RAD51B: variants seen among roughly 807,000 people sequenced by gnomAD.
RAD51B encodes DNA repair protein RAD51 homolog 2.
Under a neutral mutation model 42.2 loss-of-function variants are expected in RAD51B, and 38 were observed. The ratio of observed to expected loss-of-function variants is 0.90; its 90% CI spans 0.70 to 1.18. The LOEUF (loss-of-function observed/expected upper bound fraction) is 1.18. Ranked by LOEUF, RAD51B falls within the 50% of genes most tolerant of loss-of-function variation. The pLI, the probability that RAD51B is intolerant of heterozygous loss-of-function variation, is 0.00. For synonymous variants in RAD51B, 154 were observed against 145.2 expected (o/e 1.06, Z -0.43); for missense variants, 373 against 400.7 (o/e 0.93, Z 0.59).
intron 7 of RAD51B, among the ~76,000 whole-genome samples, chr14:68,091,123 C>T (rs1192731375): frequency 2.0e-5 from 3 of 151,972 alleles, no homozygotes; most frequent in Non-Finnish European, 4.4e-5. Context: ...TGGGTTGGTC[C>T]CAAGTCTTTG....
At chr14:68,063,065 T>C (rs1421599616) in intron 7 of RAD51B, among the ~76,000 whole-genome samples, 2 of 152,106 alleles carry the variant, frequency 1.3e-5, no homozygotes, top group African/African-American at 4.8e-5. Context: ...ATCATTTACA[T>C]TTCTTCTGTA....
At chr14:67,885,673 C>A in intron 5 of RAD51B, 196 bp from the exon 6 acceptor site, 1 of 446,948 alleles carries the variant, frequency 2.2e-6, no homozygotes, top group Non-Finnish European at 3.6e-6. Context: ...TTGCTGGTTG[C>A]ATGCTCTGAC....
intron 7 of RAD51B, among the ~76,000 whole-genome samples, chr14:67,900,598 TTGTGTG>T (rs142144274): frequency 9.3e-4 from 132 of 142,260 alleles, no homozygotes; most frequent in East Asian, 6.3e-3. Flanking sequence ...TTCTTTCAGT[TTGTGTG>T]TGTGTGTGTG....
At chr14:67,954,311 C>T (rs1044759431) in intron 7 of RAD51B, among the ~76,000 whole-genome samples, 1 of 152,188 alleles carries the variant, frequency 6.6e-6, no homozygotes, top group African/African-American at 2.4e-5. Flanking sequence ...ATTCCGCACT[C>T]AGGACAGACT....
chr14:68,318,117 C>T (rs2082094017), intron 8 of RAD51B, among the ~76,000 whole-genome samples: 1 of 152,140 alleles, frequency 6.6e-6, no homozygotes, highest in Non-Finnish European at 1.5e-5. Context: ...CCCACTGGGC[C>T]ACAGAAAGCA....
At chr14:68,374,438 T>C (rs921648389) in intron 8 of RAD51B, among the ~76,000 whole-genome samples, 2 of 152,226 alleles carry the variant, frequency 1.3e-5, no homozygotes, top group African/African-American at 4.8e-5. Flanking sequence ...ACTTTTGCTC[T>C]TCTCAGAGCT....
At chr14:68,179,286 T>C (rs574027532) in intron 7 of RAD51B, among the ~76,000 whole-genome samples, 3 of 152,284 alleles carry the variant, frequency 2.0e-5, no homozygotes, top group East Asian at 1.9e-4. Flanking sequence ...CTCTGTTGTC[T>C]TTTCTTTTTT....
chr14:67,846,166 G>A (rs897063545), intron 4 of RAD51B, among the ~76,000 whole-genome samples: 5 of 152,160 alleles, frequency 3.3e-5, no homozygotes, highest in African/African-American at 9.7e-5. Flanking sequence ...GGCTTGGATG[G>A]GGTGCTGGTG....
intron 7 of RAD51B, among the ~76,000 whole-genome samples, chr14:67,939,888 T>C (rs898992858): frequency 4.0e-5 from 6 of 150,328 alleles, no homozygotes; most frequent in African/African-American, 1.5e-4. Context: ...CCATAGCAGA[T>C]TGGAAATATT....
chr14:68,330,769 G>C (rs1260341049), intron 8 of RAD51B, among the ~76,000 whole-genome samples: 1 of 152,116 alleles, frequency 6.6e-6, no homozygotes, highest in Non-Finnish European at 1.5e-5. Context: ...TACTCTTTCA[G>C]TATAGCCATT....
At chr14:67,826,313 A>G (rs2140280334) in intron 3 of RAD51B, among the ~76,000 whole-genome samples, 1 of 152,350 alleles carries the variant, frequency 6.6e-6, no homozygotes, top group East Asian at 1.9e-4. Flanking sequence ...TATTGATTGA[A>G]TAAAAGGTAA....
At chr14:68,573,899 A>C (rs568815374) in intron 10 of RAD51B, among the ~76,000 whole-genome samples, 2 of 152,158 alleles carry the variant, frequency 1.3e-5, no homozygotes, top group South Asian at 2.1e-4. Context: ...CATGCAGCAC[A>C]TGAGTATGGG....
chr14:68,542,943 A>G (rs1459003057), intron 10 of RAD51B, among the ~76,000 whole-genome samples: 2 of 152,186 alleles, frequency 1.3e-5, no homozygotes, highest in Admixed American at 1.3e-4. Context: ...ATATTCTTTA[A>G]TAACTCCATT....
intron 7 of RAD51B, among the ~76,000 whole-genome samples, chr14:67,990,954 G>A (rs188588224): frequency 5.9e-5 from 9 of 152,058 alleles, no homozygotes; most frequent in South Asian, 4.2e-4. Context: ...AGCCTTACTC[G>A]AAACCATTTC....
chr14:68,386,987 A>G (rs2083608135), intron 8 of RAD51B: 1 of 152,228 alleles, frequency 6.6e-6, no homozygotes, highest in Non-Finnish European at 1.5e-5. Flanking sequence ...ATGAACAACA[A>G]TACTGAAATA....
chr14:68,027,329 T>C (rs2075971010), intron 7 of RAD51B, among the ~76,000 whole-genome samples: 1 of 152,126 alleles, frequency 6.6e-6, no homozygotes, highest in African/African-American at 2.4e-5. Context: ...TCGGGGATGG[T>C]AATCTTGTAT....
chr14:68,160,903 A>G (rs1156791055), intron 7 of RAD51B, among the ~76,000 whole-genome samples: 22 of 152,230 alleles, frequency 1.4e-4, no homozygotes, highest in Non-Finnish European at 2.9e-5. Context: ...TGGTAATTAC[A>G]TAGTCATTTT....
At chr14:68,379,430 T>C (rs1335282592) in intron 8 of RAD51B, among the ~76,000 whole-genome samples, 1 of 152,126 alleles carries the variant, frequency 6.6e-6, no homozygotes, top group South Asian at 2.1e-4. Context: ...GGTAGACAAG[T>C]AGAGGAAATC....
Position 68,188,576 on chromosome 14 carries a change from G to A in RAD51B, c.757-103308G>A, listed in dbSNP as rs73288084. On this transcript the variant is annotated intron_variant, in intron 7 of 10. Transcript: ENST00000471583. ...CTTGTGATTGTTGTGTTGATAATGG[G>A]AATCGTGAATTGATTACTTCATCAA... Among the ~76,000 whole-genome samples, 1,135 of 152,222 alleles carry A rather than the reference G, an allele frequency of 7.5e-3. 15 individuals are homozygous for A. The highest frequency in any genetic ancestry group is 0.027 in the African/African-American group (1,100 of 41,508).
Sources: allele counts gnomAD v4.1 joint callset (sites outside exome capture counted in the v4.1 genomes callset), GRCh38; gene constraint gnomAD v4.1.1; transcripts MANE v1.5; gene names NCBI Gene and HGNC (gene_info 2026-07-23, HGNC 2026-07-21).